The following LYPD6 variants were observed in gnomAD, a reference collection of about 807,000 sequenced individuals.
LYPD6 encodes the protein ly6/PLAUR domain-containing protein 6.
LYPD6 carries 15 observed loss-of-function variants against 22.7 expected under a neutral mutation model. The ratio of observed to expected loss-of-function variants is 0.66; its 90% confidence interval spans 0.44 to 1.02. The LOEUF is 1.02. Ranked by LOEUF, LYPD6 falls within the 50% of genes least tolerant of loss-of-function variation. LYPD6 has a pLI of 0.00. For missense variants in LYPD6, 189 were observed against 208.4 expected, an observed-to-expected ratio of 0.91 and a Z score of 0.57; for synonymous variants, 72 against 77.5, an observed-to-expected ratio of 0.93 and a Z score of 0.37.
At chr2:149,377,481 A>C (rs1403456018) in intron 1 of LYPD6, among the ~76,000 whole-genome samples, 2 of 152,120 alleles carry the variant, frequency 1.3e-5, no homozygotes, top group Non-Finnish European at 2.9e-5. Context: ...TAATAATGTG[A>C]GCATAAAAAA....
chr2:149,342,816 C>T (rs555077497), intron 1 of LYPD6, among the ~76,000 whole-genome samples: 103 of 152,272 alleles, frequency 6.8e-4, no homozygotes, highest in African/African-American at 2.3e-3. Context: ...AGCATCAGCT[C>T]CCCACAGTCC....
At chr2:149,441,740 A>G (rs1236753381) in intron 2 of LYPD6, among the ~76,000 whole-genome samples, 2 of 152,222 alleles carry the variant, frequency 1.3e-5, no homozygotes, top group Non-Finnish European at 2.9e-5. Context: ...GTTACTATTA[A>G]GAGAAATAGA....
At chr2:149,448,479 A>C (rs1489898845) in intron 2 of LYPD6, among the ~76,000 whole-genome samples, 1 of 152,122 alleles carries the variant, frequency 6.6e-6, no homozygotes, top group African/African-American at 2.4e-5. Flanking sequence ...GAGACACTGA[A>C]GAATTTCAGT....
In LYPD6 at chr2:149,463,563, A is replaced by G. The variant is rs571091599; in HGVS notation, c.218-5082A>G. On this transcript the variant is annotated intron_variant, in intron 3 of 4. Transcript: ENST00000334166. Reference sequence around the variant, plus strand: ...TACAGAGAAGTAAAAAGTTATATTCACACAGCAACCTCTACACAAATGTTC... The same window carrying G: ...TACAGAGAAGTAAAAAGTTATATTCGCACAGCAACCTCTACACAAATGTTC... 2.0e-5 allele frequency among the ~76,000 whole-genome samples: 3 copies of G among 152,332 alleles called. 1 individual carries two copies. The highest frequency in any genetic ancestry group is 7.2e-5 in the African/African-American group (3 of 41,580).
At chr2:149,383,679 A>G (rs973353367) in intron 1 of LYPD6, among the ~76,000 whole-genome samples, 1 of 152,222 alleles carries the variant, frequency 6.6e-6, no homozygotes, top group Non-Finnish European at 1.5e-5. Context: ...GTAAATTCCA[A>G]TGAAGTGATC....
chr2:149,463,308 A>G (rs894583846), intron 3 of LYPD6, among the ~76,000 whole-genome samples: 1 of 152,214 alleles, frequency 6.6e-6, no homozygotes, highest in African/African-American at 2.4e-5. Flanking sequence ...GCCATAAGGG[A>G]AATGCAAATT....
At chr2:149,483,782 A>G in the LYPD6 span, among the ~76,000 whole-genome samples, 1 of 152,224 alleles carries the variant, frequency 6.6e-6, no homozygotes, top group African/African-American at 2.4e-5. Context: ...TAAAAATAGA[A>G]TTAAATTTAG....
At chr2:149,486,231 T>G in the LYPD6 span, among the ~76,000 whole-genome samples, 79 of 152,332 alleles carry the variant, frequency 5.2e-4, no homozygotes, top group African/African-American at 1.8e-3. Flanking sequence ...AACTATGTGA[T>G]TATTAATGAT....
intron 1 of LYPD6, among the ~76,000 whole-genome samples, chr2:149,342,045 ATTC>A (rs1307440275): frequency 6.6e-6 from 1 of 152,148 alleles, no homozygotes; most frequent in Non-Finnish European, 1.5e-5. Flanking sequence ...AGCTATACAC[ATTC>A]TTCTTAGAGA....
At chr2:149,390,733 C>T (rs1682289469) in intron 1 of LYPD6, among the ~76,000 whole-genome samples, 1 of 152,102 alleles carries the variant, frequency 6.6e-6, no homozygotes, top group Admixed American at 6.5e-5. Flanking sequence ...TATTGCAATC[C>T]ATTAACACAC....
intron 1 of LYPD6, among the ~76,000 whole-genome samples, chr2:149,354,364 C>T (rs1681412782): frequency 6.6e-6 from 1 of 152,134 alleles, no homozygotes; most frequent in African/African-American, 2.4e-5. Flanking sequence ...CATGCCACCA[C>T]ACCCGGCTAA....
chr2:149,439,123 T>C (rs980328298), intron 2 of LYPD6, among the ~76,000 whole-genome samples: 3 of 152,190 alleles, frequency 2.0e-5, no homozygotes, highest in Non-Finnish European at 4.4e-5. Flanking sequence ...TTTACATTAT[T>C]GTTTTTATTA....
chr2:149,384,617 A>G (rs1682139126), intron 1 of LYPD6, among the ~76,000 whole-genome samples: 1 of 152,214 alleles, frequency 6.6e-6, no homozygotes, highest in African/African-American at 2.4e-5. Flanking sequence ...CACAGAGGTA[A>G]TAGCACAGAG....
intron 1 of LYPD6, among the ~76,000 whole-genome samples, chr2:149,375,567 C>A (rs1267335968): frequency 6.6e-6 from 1 of 152,114 alleles, no homozygotes; most frequent in African/African-American, 2.4e-5. Context: ...TAAAGAGAAT[C>A]AGAAAAATGT....
intron 1 of LYPD6, among the ~76,000 whole-genome samples, chr2:149,342,347 CAA>C (rs1331415906): frequency 1.3e-5 from 2 of 152,104 alleles, no homozygotes; most frequent in Non-Finnish European, 2.9e-5. Flanking sequence ...TTAAAATATA[CAA>C]AAGTTTAAGG....
chr2:149,472,397 A>G lies in LYPD6; in HGVS notation c.*1547A>G, dbSNP rs190103608. ...CTAAGTTTGTGTGCAGGGTTTTCAG[A>G]TGTGTTTTTGTGAAACTTGGTAGAA... On this transcript the variant is annotated 3_prime_UTR_variant, in exon 5 of 5. Transcript: ENST00000334166. 2 of 152,658 alleles carry G rather than the reference A, an allele frequency of 1.3e-5. No individual in the cohort carries two copies. Among genetic ancestry groups the G allele is most frequent in the Admixed American group, 1.3e-4 (2 of 15,288 alleles). The allele number at this position is 152,658 out of a possible 1,614,324, so 9.5% of individuals were successfully genotyped here.
In LYPD6 at chr2:149,439,564, C is replaced by T. The variant is rs148996439; in HGVS notation, c.118+1738C>T. Among the ~76,000 whole-genome samples the T allele has an allele frequency of 1.5e-3, 229 of 152,256 alleles. 1 individual carries two copies. The highest frequency in any genetic ancestry group is 2.6e-3 in the Non-Finnish European group (180 of 68,018). ...AGAAAAGGTCCACACTGGACCTACACGGAGGCTGTGATTGTACACACAGAG... is the reference window on the plus strand; with the variant it reads ...AGAAAAGGTCCACACTGGACCTACATGGAGGCTGTGATTGTACACACAGAG... On this transcript the variant is annotated intron_variant, in intron 2 of 4. Transcript: ENST00000334166.
chr2:149,356,242 A>G (rs1681446746), intron 1 of LYPD6, among the ~76,000 whole-genome samples: 1 of 152,146 alleles, frequency 6.6e-6, no homozygotes, highest in South Asian at 2.1e-4. Flanking sequence ...TTTCTCCAGT[A>G]CCAGACTCAA....
chr2:149,350,220 A>G (rs1301796044), intron 1 of LYPD6, among the ~76,000 whole-genome samples: 1 of 152,228 alleles, frequency 6.6e-6, no homozygotes, highest in East Asian at 1.9e-4. Context: ...ACTTTTTCCT[A>G]GAATCTATGT....
Sources: gnomAD v4.1 joint callset for allele counts (sites outside exome capture counted in the v4.1 genomes callset) on GRCh38, gnomAD v4.1.1 for gene constraint, MANE v1.5 for transcripts, NCBI Gene and HGNC (gene_info 2026-07-23, HGNC 2026-07-21) for gene names.